CCDC3: variants seen among roughly 807,000 people sequenced by gnomAD.
CCDC3 encodes the protein coiled-coil domain containing 3.
In CCDC3, 24 loss-of-function variants were observed where a neutral mutation model predicts 21.4. The ratio of observed to expected loss-of-function variants is 1.12; its 90% CI spans 0.81 to 1.58. CCDC3 has a LOEUF of 1.58. CCDC3 is among the 40% of genes most tolerant of loss of function. The probability of loss-of-function intolerance (pLI) is 0.00; values close to 1 mark genes in which losing one functional copy is unlikely to be tolerated. For missense variants in CCDC3, 425 were observed against 360.9 expected (o/e 1.18, Z -1.44); for synonymous variants, 186 against 166.0 (o/e 1.12, Z -0.93).
chr10:12,978,645 T>C (rs898287955), intron 2 of CCDC3, among the ~76,000 whole-genome samples: 1 of 151,798 alleles, frequency 6.6e-6, no homozygotes, highest in Non-Finnish European at 1.5e-5. Context: ...GGACGGCAAG[T>C]CAGAAAGAAA....
intron 4 of CCDC3, among the ~76,000 whole-genome samples, chr10:13,050,386 T>C (rs1046309705): frequency 4.6e-5 from 7 of 152,038 alleles, no homozygotes; most frequent in African/African-American, 1.7e-4. Flanking sequence ...ATCCAAGGGC[T>C]GAGGCCATGG....
chr10:13,058,517 AAACT>A (rs1836712309), intron 4 of CCDC3: 4 of 742,506 alleles, frequency 5.4e-6, no homozygotes, highest in Middle Eastern at 7.4e-4. Flanking sequence ...TTCGTTACAC[AAACT>A]ATCATCCTGT....
At chr10:12,943,817 A>G (rs1047922076) in intron 2 of CCDC3, among the ~76,000 whole-genome samples, 2 of 152,184 alleles carry the variant, frequency 1.3e-5, no homozygotes, top group Non-Finnish European at 2.9e-5. Flanking sequence ...CTGCAGGAAG[A>G]GAGTTTTTCT....
chr10:12,968,428 C>T (rs73581742), intron 2 of CCDC3, among the ~76,000 whole-genome samples: 4,486 of 152,158 alleles, frequency 0.029, 238 homozygotes, highest in African/African-American at 0.1. Flanking sequence ...AGACTTTTCC[C>T]AACAAACAAA....
chr10:13,099,911 G>A (rs934103559), upstream of CCDC3: 1 of 152,082 alleles, frequency 6.6e-6, no homozygotes, highest in Admixed American at 6.5e-5. Flanking sequence ...CCTTAGAGCA[G>A]TCCCTGTTCA....
intron 4 of CCDC3, among the ~76,000 whole-genome samples, chr10:13,057,172 T>G (rs746814686): frequency 4.6e-5 from 7 of 152,140 alleles, no homozygotes; most frequent in Non-Finnish European, 7.3e-5. Context: ...CATTTACCTG[T>G]AATCCCAGCT....
At chr10:12,988,132 A>T (rs764201969) in intron 2 of CCDC3, among the ~76,000 whole-genome samples, 3 of 152,120 alleles carry the variant, frequency 2.0e-5, no homozygotes, top group Non-Finnish European at 2.9e-5. Context: ...TCACCTCTCC[A>T]AACCCAGCTT....
At position 13,024,737 on chromosome 10, in the gene CCDC3, G is replaced by A. The variant is rs117995558; in HGVS notation, c.-2+24937C>T. Among the ~76,000 whole-genome samples the A allele has an allele frequency of 1.1e-3, 174 of 152,214 alleles. 1 individual carries two copies. Among genetic ancestry groups the A allele is most frequent in the African/African-American group, 3.6e-3 (149 of 41,550 alleles). ...GGCAACTAAAAAGAAGCCAGATTGCGCATTCCATATTTTCTGCCTGAAAAT... is the reference window on the plus strand; with the variant it reads ...GGCAACTAAAAAGAAGCCAGATTGCACATTCCATATTTTCTGCCTGAAAAT... On this transcript the variant is annotated intron_variant, in intron 5 of 6. Transcript: ENST00000378839.
intron 2 of CCDC3, among the ~76,000 whole-genome samples, chr10:12,950,405 G>C (rs961698174): frequency 6.6e-6 from 1 of 152,072 alleles, no homozygotes; most frequent in African/African-American, 2.4e-5. Context: ...TCTTCCCAGG[G>C]GTTTGTTTCA....
At chr10:12,971,304 C>A (rs762129538) in intron 2 of CCDC3, among the ~76,000 whole-genome samples, 19 of 152,238 alleles carry the variant, frequency 1.2e-4, no homozygotes, top group Non-Finnish European at 1.8e-4. Flanking sequence ...ATGCATGTGG[C>A]TTCTATCCTT....
At chr10:13,091,232 C>T (rs1465276481) in intron 3 of CCDC3, among the ~76,000 whole-genome samples, 1 of 152,180 alleles carries the variant, frequency 6.6e-6, no homozygotes, top group East Asian at 1.9e-4. Context: ...CACAGACATA[C>T]CCAGAAACAA....
At chr10:13,025,684 C>T (rs1378691005) in intron 5 of CCDC3, among the ~76,000 whole-genome samples, 1 of 152,198 alleles carries the variant, frequency 6.6e-6, no homozygotes, top group Non-Finnish European at 1.5e-5. Context: ...CCTTTTCCTA[C>T]TATCAATTAT....
intron 4 of CCDC3, among the ~76,000 whole-genome samples, chr10:13,059,558 G>A (rs970854035): frequency 2.4e-4 from 36 of 152,284 alleles, no homozygotes; most frequent in Non-Finnish European, 2.8e-4. Flanking sequence ...GAGATGGGGC[G>A]GAGATGAACA....
intron 5 of CCDC3, among the ~76,000 whole-genome samples, chr10:13,028,158 C>A (rs983575491): frequency 3.3e-5 from 5 of 152,142 alleles, no homozygotes; most frequent in South Asian, 2.1e-4. Flanking sequence ...GAGAGGGACC[C>A]AGTGGGAGGT....
At chr10:13,089,831 C>T (rs1008107190) in intron 3 of CCDC3, among the ~76,000 whole-genome samples, 1 of 136,504 alleles carries the variant, frequency 7.3e-6, no homozygotes. Flanking sequence ...CCCCCACCCC[C>T]CTCCCACCCT....
intron 2 of CCDC3, among the ~76,000 whole-genome samples, chr10:12,982,567 G>C (rs868032138): frequency 6.6e-6 from 1 of 151,872 alleles, no homozygotes; most frequent in Non-Finnish European, 1.5e-5. Flanking sequence ...GCCGAGGTGG[G>C]TGGATCATTT....
At chr10:12,909,090 A>G (rs1834223492) in intron 2 of CCDC3, among the ~76,000 whole-genome samples, 1 of 152,168 alleles carries the variant, frequency 6.6e-6, no homozygotes, top group Non-Finnish European at 1.5e-5. Context: ...GAGTTACAGC[A>G]TCTGAAAGAC....
intron 2 of CCDC3, among the ~76,000 whole-genome samples, chr10:12,961,911 G>T (rs1291702402): frequency 6.6e-6 from 1 of 152,092 alleles, no homozygotes; most frequent in African/African-American, 2.4e-5. Context: ...GTATGCATAG[G>T]AGGAAATGTA....
At chr10:12,917,183 T>C (rs71489183) in intron 2 of CCDC3, among the ~76,000 whole-genome samples, 819 of 2,374 alleles carry the variant, frequency 0.34, 14 homozygotes, top group Non-Finnish European at 0.41. Flanking sequence ...TCTTCTTCTT[T>C]TTTTTTTTTT....
Sources: gnomAD v4.1 joint callset for allele counts (sites outside exome capture counted in the v4.1 genomes callset) on GRCh38, gnomAD v4.1.1 for gene constraint, MANE v1.5 for transcripts, NCBI Gene and HGNC (gene_info 2026-07-23, HGNC 2026-07-21) for gene names.